Variants in TSNAX observed in about 807,000 individuals in gnomAD.
TSNAX encodes the protein translin associated factor X, also known as translin-associated protein X.
Under a neutral mutation model 33.0 loss-of-function variants are expected in TSNAX, and 12 were observed. The ratio of observed to expected loss-of-function variants is 0.36; its 90% CI spans 0.23 to 0.59. The LOEUF (loss-of-function observed/expected upper bound fraction) is 0.59. Among genes scored for constraint, TSNAX ranks in the 20% least tolerant of loss-of-function variants. TSNAX has a pLI of 0.74. For missense variants in TSNAX, 267 were observed against 341.3 expected, an observed-to-expected ratio of 0.78 and a Z score of 1.72; for synonymous variants, 110 against 117.2, an observed-to-expected ratio of 0.94 and a Z score of 0.40.
intron 4 of TSNAX, among the ~76,000 whole-genome samples, chr1:231,553,273 A>G (rs1660454223): frequency 6.6e-6 from 1 of 152,216 alleles, no homozygotes; most frequent in African/African-American, 2.4e-5. Context: ...CTGGATGTAT[A>G]TTGCTTAAAT....
At chr1:231,530,988 C>T (rs1334670993) in intron 2 of TSNAX, among the ~76,000 whole-genome samples, 2 of 148,766 alleles carry the variant, frequency 1.3e-5, no homozygotes, top group Non-Finnish European at 3.0e-5. Context: ...GACAGAGTCT[C>T]TGTCACACAG....
intron 2 of TSNAX, among the ~76,000 whole-genome samples, chr1:231,529,830 A>G (rs972542686): frequency 6.6e-6 from 1 of 152,196 alleles, no homozygotes; most frequent in African/African-American, 2.4e-5. Flanking sequence ...TTTTCTCAGC[A>G]TATTAACTTG....
At chr1:231,545,976 C>T (rs182413045) in intron 4 of TSNAX, among the ~76,000 whole-genome samples, 155 of 152,348 alleles carry the variant, frequency 1.0e-3, no homozygotes, top group Non-Finnish European at 1.6e-3. Flanking sequence ...AACTTTACAA[C>T]CTAACTCCTA....
chr1:231,540,173 CAAAA>C (rs10714707), intron 3 of TSNAX, among the ~76,000 whole-genome samples: 45 of 70,448 alleles, frequency 6.4e-4, no homozygotes, highest in African/African-American at 1.8e-3. Context: ...GACTCTGTCT[CAAAA>C]AAAAAAAAAA....
At chr1:231,539,757 A>G (rs1481780166) in intron 3 of TSNAX, among the ~76,000 whole-genome samples, 1 of 152,202 alleles carries the variant, frequency 6.6e-6, no homozygotes, top group East Asian at 1.9e-4. Context: ...ACTGTTTTTT[A>G]TCATAGTTGT....
At position 231,533,215 on chromosome 1, in the gene TSNAX, C is replaced by T. The variant is rs191662851; in HGVS notation, c.121+3856C>T. On this transcript the variant is annotated intron_variant, in intron 2 of 5. Transcript: ENST00000366639. ...CCAGGTTCAAGCAATTCTCCTGCCT[C>T]AGCCTCCCAGGTAGCTGGGACGACA... Among the ~76,000 whole-genome samples the T allele has an allele frequency of 9.3e-3, 1,413 of 151,300 alleles. 29 individuals carry two copies. Among genetic ancestry groups the T allele is most frequent in the African/African-American group, 0.032 (1,314 of 40,642 alleles).
chr1:231,552,801 A>G (rs185376891), intron 4 of TSNAX, among the ~76,000 whole-genome samples: 24 of 152,234 alleles, frequency 1.6e-4, no homozygotes, highest in Admixed American at 7.2e-4. Flanking sequence ...TTTTGTCTCT[A>G]TGGTAATTTG....
intron 1 of TSNAX, among the ~76,000 whole-genome samples, 172 bp from the exon 2 acceptor site, chr1:231,529,083 A>T (rs1248560744): frequency 1.3e-5 from 2 of 152,172 alleles, no homozygotes; most frequent in Admixed American, 6.5e-5. Context: ...GGAAACTTGG[A>T]TGATTTGCTT....
intron 3 of TSNAX, among the ~76,000 whole-genome samples, chr1:231,541,765 A>G (rs1226369953): frequency 6.6e-6 from 1 of 151,994 alleles, no homozygotes; most frequent in African/African-American, 2.4e-5. Flanking sequence ...AACTAAGGGG[A>G]TTGTTCTGCC....
At chr1:231,547,388 TC>T (rs1659987810) in intron 4 of TSNAX, among the ~76,000 whole-genome samples, 5 of 140,796 alleles carry the variant, frequency 3.6e-5, no homozygotes, top group Non-Finnish European at 4.6e-5. Flanking sequence ...CTTTTTTTTT[TC>T]TTTTTTTTTT....
Position 231,543,720 on chromosome 1 carries a change from A to G in TSNAX, c.367+1109A>G, listed in dbSNP as rs1659724430. 3.3e-5 allele frequency among the ~76,000 whole-genome samples: 5 copies of G among 152,364 alleles called. No individual in the cohort carries two copies. In the Middle Eastern group the frequency reaches 0.01, roughly 311 times the overall value. ...GTAAGAGAAAGTACCAGCATACATTAGTTAAAACTGAGGGTGCATTGTTGG... is the reference window on the plus strand; with the variant it reads ...GTAAGAGAAAGTACCAGCATACATTGGTTAAAACTGAGGGTGCATTGTTGG... On this transcript the variant is annotated intron_variant, in intron 4 of 5. Transcript: ENST00000366639.
intron 4 of TSNAX, among the ~76,000 whole-genome samples, chr1:231,559,917 A>G (rs989118797): frequency 3.3e-5 from 5 of 151,586 alleles, no homozygotes; most frequent in Non-Finnish European, 7.4e-5. Flanking sequence ...ACTTACCTAC[A>G]TTAGTTAAAA....
In TSNAX at chr1:231,565,048, C is replaced by A; in HGVS notation, c.*143C>A. ...GTACTTGTTTTAAATTGTATACAAG[C>A]TGTACATAAAATTAGCCAAATGAAT... On this transcript the variant is annotated 3_prime_UTR_variant, in exon 6 of 6. Transcript: ENST00000366639. The A allele has an allele frequency of 1.9e-6, 2 of 1,052,264 alleles. No individual in the cohort carries two copies. Among genetic ancestry groups the A allele is most frequent in the Non-Finnish European group, 2.7e-6 (2 of 751,214 alleles). The allele number at this position is 1,052,264 out of a possible 1,614,324, so 65.2% of individuals were successfully genotyped here.
chr1:231,541,775 C>T (rs200042909), intron 3 of TSNAX, among the ~76,000 whole-genome samples: 62 of 152,136 alleles, frequency 4.1e-4, no homozygotes, highest in Non-Finnish European at 7.9e-4. Context: ...ATTGTTCTGC[C>T]TGCTCACTTT....
intron 4 of TSNAX, among the ~76,000 whole-genome samples, chr1:231,556,612 G>A: frequency 6.6e-6 from 1 of 152,166 alleles, no homozygotes; most frequent in East Asian, 1.9e-4. Context: ...CCTGTTTGTT[G>A]AATTTAATAT....
chr1:231,529,756 G>C (rs1009679856), intron 2 of TSNAX, among the ~76,000 whole-genome samples: 1 of 152,218 alleles, frequency 6.6e-6, no homozygotes, highest in African/African-American at 2.4e-5. Context: ...ACTTAGCACA[G>C]AGTGGGAGCT....
intron 4 of TSNAX, among the ~76,000 whole-genome samples, chr1:231,552,514 T>C (rs1342999677): frequency 6.6e-6 from 1 of 151,416 alleles, no homozygotes; most frequent in Admixed American, 6.6e-5. Flanking sequence ...TTTCAGTGAT[T>C]GATTTGGTGA....
intron 2 of TSNAX, among the ~76,000 whole-genome samples, chr1:231,532,150 A>ACACACACACAC (rs1327029035): frequency 1.2e-5 from 1 of 86,606 alleles, no homozygotes; most frequent in African/African-American, 4.0e-5. Flanking sequence ...ACACACACAC[A>ACACACACACAC]CACACACACA....
At position 231,555,582 on chromosome 1, in the gene TSNAX, C is replaced by A. The variant is rs571626386; in HGVS notation, c.368-5546C>A. On this transcript the variant is annotated intron_variant, in intron 4 of 5. Coordinates refer to ENST00000366639, the MANE Select transcript of TSNAX (RefSeq NM_005999.3). ...CTGGTAAATGTTATGTTTGTTTTAC[C>A]ACAATTAAACGGAGAAAAAATAAAA... Among the ~76,000 whole-genome samples the A allele has an allele frequency of 3.3e-5, 5 of 152,026 alleles. No homozygotes were observed. In the East Asian group the frequency reaches 9.7e-4, roughly 29 times the overall value.
Sources: allele counts gnomAD v4.1 joint callset (sites outside exome capture counted in the v4.1 genomes callset), GRCh38; gene constraint gnomAD v4.1.1; transcripts MANE v1.5; gene names NCBI Gene and HGNC (gene_info 2026-07-23, HGNC 2026-07-21).